Variants in NIBAN2 observed in about 807,000 individuals in gnomAD.
The protein encoded by NIBAN2 is niban apoptosis regulator 2.
A neutral mutation model predicts 81.8 loss-of-function variants in NIBAN2; 36 were observed. The observed-to-expected ratio is 0.44, with a 90% CI of 0.34 to 0.58. The LOEUF is 0.58. Among genes scored for constraint, NIBAN2 ranks in the 20% least tolerant of loss-of-function variants. The pLI is 0.02. For missense variants in NIBAN2, 897 were observed against 1,014.1 expected (o/e 0.88, Z 1.57); for synonymous variants, 445 against 441.6 (o/e 1.01, Z -0.10).
Position 127,508,374 on chromosome 9 carries a change from G to A in NIBAN2, c.1434+48C>T. 1 of 1,498,412 alleles carries A rather than the reference G, an allele frequency of 6.7e-7. No homozygotes were observed. The highest frequency in any genetic ancestry group is 9.2e-7 in the Non-Finnish European group (1 of 1,086,680). 92.8% of individuals were successfully genotyped at this position (1,498,412 alleles called of 1,614,324 possible). On this transcript the variant is annotated intron_variant, in intron 11 of 13. Coordinates refer to ENST00000373312, the MANE Select transcript of NIBAN2 (RefSeq NM_022833.4). The surrounding 1 kb of genome is among the most constrained non-coding windows in gnomAD (Gnocchi z 6.4). ...GTGGTGGCCGGGGATGAGGCTCGGG[G>A]CTCGGCCTCGCCTAGGACGGTCCGG... is the stretch of plus-strand genomic sequence containing the variant.
At chr9:127,516,556 T>C (rs1007354482) in intron 8 of NIBAN2, among the ~76,000 whole-genome samples, 1 of 152,170 alleles carries the variant, frequency 6.6e-6, no homozygotes, top group East Asian at 1.9e-4. Flanking sequence ...GGGAAAGCTA[T>C]ACTTGCTGAA....
intron 1 of NIBAN2, among the ~76,000 whole-genome samples, chr9:127,546,480 G>A (rs1283198370): frequency 2.0e-5 from 3 of 152,262 alleles, no homozygotes; most frequent in East Asian, 1.9e-4. Context: ...TCCCCTCAGC[G>A]TCCAGCCTGG....
At chr9:127,558,230 CTTGT>C (rs557489685) in intron 1 of NIBAN2, among the ~76,000 whole-genome samples, 89 of 152,168 alleles carry the variant, frequency 5.8e-4, no homozygotes, top group Non-Finnish European at 1.2e-3. Flanking sequence ...TCCCAGAGAG[CTTGT>C]TTGTTTACCC....
chr9:127,531,906 C>T (rs544066936), intron 1 of NIBAN2, 128 bp from the exon 2 acceptor site: 862 of 1,281,140 alleles, frequency 6.7e-4, no homozygotes, highest in Non-Finnish European at 8.8e-4. Context: ...ACAGGCTCCT[C>T]GCGCTCATCT....
At chr9:127,538,944 CAAAA>C (rs59404269) in intron 1 of NIBAN2, among the ~76,000 whole-genome samples, 21 of 114,506 alleles carry the variant, frequency 1.8e-4, no homozygotes, top group Admixed American at 5.9e-4. Flanking sequence ...GACTCCATCT[CAAAA>C]AAAAAAAAAA....
At chr9:127,562,143 T>G (rs1837785062) in intron 1 of NIBAN2, among the ~76,000 whole-genome samples, 1 of 152,080 alleles carries the variant, frequency 6.6e-6, no homozygotes. Context: ...TTGTGCAACC[T>G]ATGGGAGGGA....
intron 5 of NIBAN2, among the ~76,000 whole-genome samples, chr9:127,522,072 G>C (rs776942636): frequency 1.3e-5 from 2 of 152,226 alleles, no homozygotes; most frequent in Non-Finnish European, 2.9e-5. Context: ...CAGGCCAGGG[G>C]CTGGGGAGGC....
upstream of NIBAN2, chr9:127,569,080 C>CT: frequency 1.9e-6 from 2 of 1,057,372 alleles, no homozygotes; most frequent in Non-Finnish European, 2.3e-6. Flanking sequence ...CCTTGGCCCC[C>CT]TCCCTGCCCT....
Position 127,509,135 on chromosome 9 carries a change from CA to C in NIBAN2, c.1162-5del, listed in dbSNP as rs780377773. 6.2e-7 allele frequency: 1 copy of C among 1,608,852 alleles called. No homozygotes were observed. Among genetic ancestry groups the C allele is most frequent in the Non-Finnish European group, 8.5e-7 (1 of 1,179,116 alleles). ...GCCGGGACAGCTTCTCCATGTACTG[CA>C]GGGGCCGGGGCCGCGGGGGCTGAGC... On this transcript the variant is annotated splice_region_variant and splice_polypyrimidine_tract_variant and intron_variant, in intron 9 of 13. Coordinates refer to ENST00000373312, the MANE Select transcript of NIBAN2 (RefSeq NM_022833.4).
rs1400307112 is a variant in NIBAN2 at position 127,517,611 on chromosome 9, C to T, written c.705+215G>A. Among the ~76,000 whole-genome samples the T allele has an allele frequency of 1.3e-5, 2 of 152,198 alleles. No homozygotes were observed. Among genetic ancestry groups the T allele is most frequent in the Non-Finnish European group, 1.5e-5 (1 of 68,032 alleles). Reference sequence around the variant, plus strand: ...CATTCCCAGCTGCACCCCAGTGCCTCGTCCAGGGTAGGTGCTCAGATGCCC... The same window carrying T: ...CATTCCCAGCTGCACCCCAGTGCCTTGTCCAGGGTAGGTGCTCAGATGCCC... On this transcript the variant is annotated intron_variant, in intron 6 of 13. Transcript: ENST00000373312. This position sits in a 1 kb window ranked among gnomAD's most constrained non-coding sequence, Gnocchi z 4.0.
Position 127,545,592 on chromosome 9 carries a change from T to G in NIBAN2, c.56-13814A>C, listed in dbSNP as rs1213811852. Among the ~76,000 whole-genome samples the G allele has an allele frequency of 6.6e-6, 1 of 151,988 alleles. No homozygotes were observed. Among genetic ancestry groups the G allele is most frequent in the Non-Finnish European group, 1.5e-5 (1 of 67,964 alleles). ...AGAGCCAGGAGTCAGCTGGGGTTTT[T>G]CACAAGGCTGCCTTGAAAACTCTTC... On this transcript the variant is annotated intron_variant, in intron 1 of 13. Transcript: ENST00000373312. The surrounding 1 kb of genome is among the most constrained non-coding windows in gnomAD (Gnocchi z 4.7).
chr9:127,531,376 C>T (rs924117063), intron 2 of NIBAN2, among the ~76,000 whole-genome samples: 2 of 151,704 alleles, frequency 1.3e-5, no homozygotes, highest in Admixed American at 6.6e-5. Context: ...CCCAGCTACT[C>T]GGGAGGCTGA....
rs138058453 is a variant in NIBAN2 at position 127,559,520 on chromosome 9, G to C, written c.55+9300C>G. Among the ~76,000 whole-genome samples the C allele has an allele frequency of 3.8e-3, 582 of 152,324 alleles. 6 individuals carry two copies. The highest frequency in any genetic ancestry group is 0.013 in the African/African-American group (553 of 41,564). On this transcript the variant is annotated intron_variant, in intron 1 of 13. Transcript: ENST00000373312. This position sits in a 1 kb window ranked among gnomAD's most constrained non-coding sequence, Gnocchi z 4.0. ...AGGTGGAATAAATCAGAGGTGACTG[G>C]AGCACGAGTGGGTGGGCAGCTTCTT...
At position 127,508,482 on chromosome 9, in the gene NIBAN2, C is replaced by T; in HGVS notation, c.1374G>A (p.Lys458=). 1 of 1,613,918 alleles carries T rather than the reference C, an allele frequency of 6.2e-7. No homozygotes were observed. The change falls in exon 11 of 14, where the codon AAG becomes AAA. Residue 458 remains lysine, a synonymous_variant. Coordinates refer to ENST00000373312, the MANE Select transcript of NIBAN2 (RefSeq NM_022833.4). The surrounding 1 kb of genome is among the most constrained non-coding windows in gnomAD (Gnocchi z 6.4). Reference sequence around the variant, plus strand: ...TGCACAGCTCCTCCTTGGTGGGCCCCTTCCCCAGCTCCTGGTGCAGGAGGG... The same window carrying T: ...TGCACAGCTCCTCCTTGGTGGGCCCTTTCCCCAGCTCCTGGTGCAGGAGGG... ...FETLLHQELG[K]GPTKEELCKS... is the part of the protein sequence containing the mutation.
intron 1 of NIBAN2, among the ~76,000 whole-genome samples, chr9:127,564,731 G>A (rs1453882302): frequency 6.6e-6 from 1 of 151,828 alleles, no homozygotes; most frequent in African/African-American, 2.4e-5. Flanking sequence ...AAATTAGCCG[G>A]GCATGGTGGT....
chr9:127,551,287 C>T (rs985592822), intron 1 of NIBAN2, among the ~76,000 whole-genome samples: 5 of 152,142 alleles, frequency 3.3e-5, no homozygotes, highest in African/African-American at 1.2e-4. Flanking sequence ...CTTTGGGAGG[C>T]TGAGATGGGC....
At chr9:127,521,274 T>C (rs1029640083) in intron 5 of NIBAN2, among the ~76,000 whole-genome samples, 8 of 152,190 alleles carry the variant, frequency 5.3e-5, no homozygotes, top group African/African-American at 1.9e-4. Context: ...AGCTAGTGGA[T>C]GGCAGAGCGG....
In NIBAN2 at chr9:127,536,542, T is replaced by TG. The variant is rs1233422831; in HGVS notation, c.56-4765dup. On this transcript the variant is annotated intron_variant, in intron 1 of 13. Transcript: ENST00000373312. This position sits in a 1 kb window ranked among gnomAD's most constrained non-coding sequence, Gnocchi z 4.0. ...CATGGCGTCCCGGCCTGGGTGTCTGTGGGGGTCCTGAGCCCGGGCACCCCT... is the reference window on the plus strand; with the variant it reads ...CATGGCGTCCCGGCCTGGGTGTCTGTGGGGGGTCCTGAGCCCGGGCACCCCT... 3.9e-5 allele frequency among the ~76,000 whole-genome samples: 6 copies of TG among 152,200 alleles called. No individual in the cohort carries two copies. The highest frequency in any genetic ancestry group is 4.4e-5 in the Non-Finnish European group (3 of 68,024).
chr9:127,550,384 C>G (rs1837554891), intron 1 of NIBAN2, among the ~76,000 whole-genome samples: 1 of 152,270 alleles, frequency 6.6e-6, no homozygotes, highest in Non-Finnish European at 1.5e-5. Context: ...CTGTCCCTGA[C>G]TGTTGCCAGC....
Sources: allele counts gnomAD v4.1 joint callset (sites outside exome capture counted in the v4.1 genomes callset), GRCh38; gene constraint gnomAD v4.1.1; non-coding constraint Gnocchi (gnomAD v3.1); transcripts MANE v1.5; gene names NCBI Gene and HGNC (gene_info 2026-07-23, HGNC 2026-07-21).